Variants in MDN1 observed in about 807,000 individuals in gnomAD.
The protein encoded by MDN1 is midasin AAA ATPase 1, also known as midasin.
A neutral mutation model predicts 669.2 loss-of-function variants in MDN1; 266 were observed. The ratio of observed to expected loss-of-function variants is 0.40; its 90% CI spans 0.36 to 0.44. MDN1 has a LOEUF of 0.44. Among genes scored for constraint, MDN1 ranks in the 20% least tolerant of loss-of-function variants. The pLI, the probability that MDN1 is intolerant of heterozygous loss-of-function variation, is 1.00. For missense variants in MDN1, 5,940 were observed against 6,754.0 expected (o/e 0.88, Z 4.22); for synonymous variants, 2,385 against 2,457.1 (o/e 0.97, Z 0.87).
At chr6:89,786,537 T>C (rs1277807524) in intron 8 of MDN1, among the ~76,000 whole-genome samples, 1 of 151,600 alleles carries the variant, frequency 6.6e-6, no homozygotes, top group Non-Finnish European at 1.5e-5. Context: ...AGCCCAGGAG[T>C]TTGTGGTTAC....
At chr6:89,800,773 G>A (rs1767599632) in intron 2 of MDN1, among the ~76,000 whole-genome samples, 1 of 152,110 alleles carries the variant, frequency 6.6e-6, no homozygotes, top group African/African-American at 2.4e-5. Flanking sequence ...GTCTAGAGAG[G>A]GGGTGTGCAG....
chr6:89,761,747 C>G lies in MDN1; in HGVS notation c.2358G>C (p.Gly786=), dbSNP rs137875343. 1.2e-4 allele frequency: 194 copies of G among 1,593,812 alleles called. No individual in the cohort carries two copies. The Middle Eastern group carries it at 1.3e-3, about 11-fold the overall frequency. The part of the protein sequence containing the change: ...VNKDGKDSET[G]LLIKEKWEAF... ...CTTCCCATTTCTCTTTTATGAGTAA[C>G]CCTAAAAAAGAAAGACAAGAATTCA... Residue 786 remains glycine (G), a splice_region_variant and synonymous_variant, in exon 17 of 102, where the codon GGG becomes GGC. Transcript: ENST00000369393.
In MDN1 at chr6:89,672,344, T is replaced by C. The variant is rs1305442897; in HGVS notation, c.13650A>G (p.Gln4550=). 1.2e-6 allele frequency: 2 copies of C among 1,612,618 alleles called. No homozygotes were observed. The highest frequency in any genetic ancestry group is 1.7e-6 in the Non-Finnish European group (2 of 1,179,756). ...QEDYAGFERL[Q]SGHLTKLLED... is the part of the protein sequence containing the mutation. Reference sequence around the variant, plus strand: ...CTAAGAGTTTTGTTAGATGTCCTGATTGCAGTCTCTCAAAGCCTGCTGCCT... The same window carrying C: ...CTAAGAGTTTTGTTAGATGTCCTGACTGCAGTCTCTCAAAGCCTGCTGCCT... The change falls in exon 82 of 102, where the codon CAA becomes CAG. Residue 4550 remains glutamine (Q), a synonymous_variant. Transcript: ENST00000369393.
At chr6:89,693,953 GGC>G in intron 62 of MDN1, 119 bp downstream of exon 62, 1 of 759,318 alleles carries the variant, frequency 1.3e-6, no homozygotes, top group Admixed American at 2.2e-5. Flanking sequence ...ACAATGCTTT[GGC>G]ATCTAATTGC....
chr6:89,789,702 C>T, intron 7 of MDN1, 78 bp downstream of exon 7: 2 of 1,468,330 alleles, frequency 1.4e-6, no homozygotes, highest in Non-Finnish European at 1.8e-6. Flanking sequence ...AAATCATCAC[C>T]AGAATCACTA....
At chr6:89,715,388 T>A (rs1215153253) in intron 45 of MDN1, among the ~76,000 whole-genome samples, 3 of 152,176 alleles carry the variant, frequency 2.0e-5, no homozygotes, top group Non-Finnish European at 4.4e-5. Context: ...TGCAAAAGGA[T>A]CATGACTGGT....
chr6:89,815,431 T>G (rs1768759779), intron 1 of MDN1: 1 of 354,838 alleles, frequency 2.8e-6, no homozygotes, highest in African/African-American at 2.2e-5. Context: ...CCACCAAGGC[T>G]TCGTACCCCA....
At position 89,725,084 on chromosome 6, in the gene MDN1, G is replaced by C. The variant is rs1257990973; in HGVS notation, c.5670+115C>G. The C allele has an allele frequency of 6.5e-6, 6 of 926,752 alleles. No individual in the cohort carries two copies. In the East Asian group the frequency reaches 1.5e-4, roughly 23 times the overall value. 57.4% of individuals were successfully genotyped at this position (926,752 alleles called of 1,614,324 possible). A position where few individuals can be genotyped will look rare whatever the true frequency, so the allele number is the denominator to read the frequency against. On this transcript the variant is annotated intron_variant, in intron 38 of 101. Transcript: ENST00000369393. ...TTGATCATATAAGGACAAGAAAGAG[G>C]ATCATTAAGCTGATCCTCTCTAATT...
chr6:89,802,568 C>T (rs1275541493), intron 2 of MDN1, among the ~76,000 whole-genome samples: 2 of 151,976 alleles, frequency 1.3e-5, no homozygotes, highest in East Asian at 3.9e-4. Flanking sequence ...GCCTGTAGTC[C>T]CAGCTACTCA....
intron 31 of MDN1, among the ~76,000 whole-genome samples, chr6:89,740,774 C>T (rs763967097): frequency 1.3e-5 from 2 of 152,058 alleles, no homozygotes; most frequent in Non-Finnish European, 2.9e-5. Flanking sequence ...ACTAATAATA[C>T]GTGCTGAAAT....
At chr6:89,810,772 C>T (rs576667903) in intron 1 of MDN1, among the ~76,000 whole-genome samples, 3 of 152,192 alleles carry the variant, frequency 2.0e-5, no homozygotes, top group African/African-American at 7.2e-5. Context: ...CTGAGGTGGA[C>T]AGATCACTTG....
rs559014425 is a variant in MDN1, at chr6:89,752,904, C to G, written c.3075+608G>C. On this transcript the variant is annotated intron_variant, in intron 22 of 101. Transcript: ENST00000369393. The stretch of plus-strand genomic sequence containing the variant: ...CTTTGGGAGGCCGAGGTGGACGGAT[C>G]ATGAGGTCAGGAGTTCGAGACCAGC... Among the ~76,000 whole-genome samples, 573 of 152,192 alleles carry G rather than the reference C, an allele frequency of 3.8e-3. 4 individuals carry two copies. The highest frequency in any genetic ancestry group is 0.013 in the African/African-American group (527 of 41,510).
At chr6:89,713,096 C>T (rs1814068344) in intron 47 of MDN1, 52 bp downstream of exon 47, 2 of 1,566,502 alleles carry the variant, frequency 1.3e-6, no homozygotes, top group South Asian at 2.3e-5. Flanking sequence ...TCCTCGTACT[C>T]AAGAATGTAG....
Position 89,653,001 on chromosome 6 carries a change from C to T in MDN1, c.15816G>A (p.Thr5272=), listed in dbSNP as rs755449740. Residue 5272 remains threonine (T), a synonymous_variant, in exon 94 of 102, where the codon ACG becomes ACA. Coordinates refer to ENST00000369393, the MANE Select transcript of MDN1 (RefSeq NM_014611.3). ...IHTAHQFLMD[T]IFQPFLKDVN... ...TTGTGAGTTTTACTACCTGGAAGATCGTGTCCATGAGGAATTGATGAGCTG... is the reference window on the plus strand; with the variant it reads ...TTGTGAGTTTTACTACCTGGAAGATTGTGTCCATGAGGAATTGATGAGCTG... The T allele has an allele frequency of 5.5e-5, 88 of 1,612,896 alleles. No individual in the cohort carries two copies. The highest frequency in any genetic ancestry group is 4.9e-4 in the Middle Eastern group (3 of 6,078).
At chr6:89,734,852 GAAT>G (rs1815848976) in intron 33 of MDN1, among the ~76,000 whole-genome samples, 1 of 151,266 alleles carries the variant, frequency 6.6e-6, no homozygotes, top group Non-Finnish European at 1.5e-5. Flanking sequence ...TCCACTTTTA[GAAT>G]ATAACACAAG....
rs757810524 is a variant in MDN1, at chr6:89,712,771, G to A, written c.7234C>T (p.Leu2412=). Residue 2412 remains leucine (L), a synonymous_variant, in exon 48 of 102, where the codon CTG becomes TTG. Transcript: ENST00000369393. ...PANRKLVQAL[L]EKHVSSLRAH... ...CGCAAAGAAGAAACATGTTTCTCCA[G>A]TAAAGCCTGTACAAGCTGGTAGGAG... The A allele has an allele frequency of 6.2e-7, 1 of 1,614,096 alleles. No homozygotes were observed. Among genetic ancestry groups the A allele is most frequent in the Non-Finnish European group, 8.5e-7 (1 of 1,179,990 alleles).
At chr6:89,737,920 C>T (rs767721852) in intron 33 of MDN1, among the ~76,000 whole-genome samples, 6 of 152,072 alleles carry the variant, frequency 3.9e-5, no homozygotes, top group African/African-American at 7.2e-5. Flanking sequence ...GATGGGTTTT[C>T]GCCATGTTGG....
intron 1 of MDN1, among the ~76,000 whole-genome samples, chr6:89,810,723 T>C (rs1261059069): frequency 3.9e-5 from 6 of 152,136 alleles, no homozygotes; most frequent in African/African-American, 1.4e-4. Context: ...TTGTGCTGGG[T>C]GTGGTGGCTC....
intron 51 of MDN1, 128 bp from the exon 52 acceptor site, chr6:89,707,604 A>G (rs1250921107): frequency 4.5e-6 from 3 of 667,442 alleles, no homozygotes; most frequent in Non-Finnish European, 8.0e-6. Flanking sequence ...CTGCCTCTGC[A>G]AATCTTGGAC....
Sources: allele counts gnomAD v4.1 joint callset (sites outside exome capture counted in the v4.1 genomes callset), GRCh38; gene constraint gnomAD v4.1.1; transcripts MANE v1.5; gene names NCBI Gene and HGNC (gene_info 2026-07-23, HGNC 2026-07-21).